The following RPS21 variants were observed in gnomAD, a reference collection of about 807,000 sequenced individuals.
RPS21 encodes ribosomal protein S21, also known as small ribosomal subunit protein eS21.
RPS21 carries 6 observed loss-of-function variants against 14.5 expected under a neutral mutation model. That is an observed-to-expected ratio of 0.41 (90% CI 0.23 to 0.82). RPS21 has a LOEUF of 0.82. RPS21 is among the 40% of genes least tolerant of loss of function. The pLI, the probability that RPS21 is intolerant of heterozygous loss-of-function variation, is 0.31. For synonymous variants in RPS21, 61 were observed against 42.6 expected (o/e 1.43, Z -1.69); for missense variants, 85 against 115.0 (o/e 0.74, Z 1.19).
rs111872483 is a variant in RPS21 at position 62,388,330 on chromosome 20, C to T, written c.208C>T (p.Leu70Phe). Residue 70 changes from leucine (L) to phenylalanine (F), a missense_variant, in exon 5 of 6, where the codon CTC becomes TTC. Leu to Phe is a conservative substitution (Grantham distance 22). Transcript: ENST00000343986. The stretch of plus-strand genomic sequence containing the variant: ...TAAGGGTGAGTCAGATGATTCCATT[C>T]TCCGATTGGCCAAGGCCGATGGCAT... Reference protein sequence around the residue: ...RRMGESDDSILRLAKADGIVS... With the variant: ...RRMGESDDSIFRLAKADGIVS... 4.6e-4 allele frequency: 738 copies of T among 1,589,828 alleles called. No homozygotes were observed. The highest frequency in any genetic ancestry group is 9.2e-4 in the South Asian group (79 of 85,988).
intron 1 of RPS21, 22 bp downstream of exon 1, chr20:62,387,158 T>A (rs1218241653): frequency 7.9e-6 from 4 of 507,606 alleles, no homozygotes; most frequent in African/African-American, 2.1e-5. Context: ...GGCGCGGGCT[T>A]CGGGCTCAGG....
intron 4 of RPS21, 174 bp from the exon 5 acceptor site, chr20:62,388,135 C>T: frequency 6.7e-7 from 1 of 1,487,132 alleles, no homozygotes; most frequent in Admixed American, 2.2e-5. Context: ...CCCCCCCGAC[C>T]CCGCTCCACC....
chr20:62,388,235 G>A (rs1365982084), intron 4 of RPS21, 74 bp from the exon 5 acceptor site: 3 of 1,514,724 alleles, frequency 2.0e-6, no homozygotes, highest in East Asian at 2.4e-5. Context: ...TGGGCTGGTG[G>A]CACAGCTGAC....
In RPS21 at chr20:62,388,492, A is replaced by G. The variant is rs770198489; in HGVS notation, c.*26A>G. 1.2e-6 allele frequency: 2 copies of G among 1,611,102 alleles called. No individual in the cohort carries two copies. The highest frequency in any genetic ancestry group is 1.7e-5 in the Admixed American group (1 of 59,988). ...CTGGAGAGAATCACAGATGTGGAATATTTGTCATAAATAAATAATGAAAAC... is the reference window on the plus strand; with the variant it reads ...CTGGAGAGAATCACAGATGTGGAATGTTTGTCATAAATAAATAATGAAAAC... On this transcript the variant is annotated 3_prime_UTR_variant, in exon 6 of 6. Transcript: ENST00000343986.
rs1042905542 is a variant in RPS21 at position 62,388,096 on chromosome 20, C to T, written c.186+182C>T. 23 of 1,531,528 alleles carry T rather than the reference C, an allele frequency of 1.5e-5. No homozygotes were observed. In the African/African-American group the frequency reaches 2.5e-4, roughly 17 times the overall value. 94.9% of individuals were successfully genotyped at this position (1,531,528 alleles called of 1,614,324 possible). A position where few individuals can be genotyped will look rare whatever the true frequency, so the allele number is the denominator to read the frequency against. ...GGGGTGCTCTGAGAAGACACTCAGG[C>T]AGCAGACTCTGCCTCTCACTAGGAG... On this transcript the variant is annotated intron_variant, in intron 4 of 5. Transcript: ENST00000343986.
intron 2 of RPS21, 108 bp from the exon 3 acceptor site, chr20:62,387,503 C>G: frequency 6.3e-7 from 1 of 1,587,068 alleles, no homozygotes; most frequent in Non-Finnish European, 8.6e-7. Context: ...CTAACTTGTC[C>G]TGCCCCCGAC....
chr20:62,387,415 C>T (rs375378671), intron 2 of RPS21, 27 bp downstream of exon 2: 4 of 1,607,492 alleles, frequency 2.5e-6, no homozygotes, highest in South Asian at 1.1e-5. Flanking sequence ...TGCCTCTCTT[C>T]CGTCCTTACC....
At chr20:62,387,422 T>C in intron 2 of RPS21, 34 bp downstream of exon 2, 3 of 1,607,470 alleles carry the variant, frequency 1.9e-6, no homozygotes, top group Non-Finnish European at 2.6e-6. Context: ...CTTCCGTCCT[T>C]ACCTAACCAC....
intron 4 of RPS21, 178 bp from the exon 5 acceptor site, chr20:62,388,131 C>CG (rs1555889899): frequency 3.3e-6 from 5 of 1,494,170 alleles, no homozygotes; most frequent in Non-Finnish European, 4.5e-6. Flanking sequence ...GGTGCCCCCC[C>CG]GACCCCGCTC....
intron 2 of RPS21, 45 bp downstream of exon 2, chr20:62,387,433 C>G: frequency 6.2e-7 from 1 of 1,604,588 alleles, no homozygotes; most frequent in Non-Finnish European, 8.5e-7. Flanking sequence ...ACCTAACCAC[C>G]ACGTCCCCTC....
chr20:62,387,222 G>A (rs1362177723), intron 1 of RPS21, 86 bp downstream of exon 1: 11 of 821,828 alleles, frequency 1.3e-5, no homozygotes, highest in Non-Finnish European at 1.9e-5. Flanking sequence ...GGTGCGGGGT[G>A]CTGGGTGCGG....
chr20:62,387,788 G>A (rs1381466457), intron 3 of RPS21, 55 bp from the exon 4 acceptor site: 3 of 1,613,720 alleles, frequency 1.9e-6, no homozygotes, highest in African/African-American at 1.3e-5. Context: ...TGGCTTTGAG[G>A]ATTGGTGTTT....
At position 62,387,379 on chromosome 20, in the gene RPS21, C is replaced by T. The variant is rs1240125217; in HGVS notation, c.41C>T (p.Pro14Leu). ...GGCGAGTTCGTGGACCTGTACGTGC[C>T]GCGGAAATGGTAAGCGCCCCCCACA... ...DAGEFVDLYV[P>L]RKCSASNRII... Residue 14 changes from proline to leucine, a missense_variant, in exon 2 of 6, where the codon CCG becomes CTG. Pro to Leu is a moderately conservative substitution (Grantham distance 98, BLOSUM62 -3). Coordinates refer to ENST00000343986, the MANE Select transcript of RPS21 (RefSeq NM_001024.4). 5.0e-6 allele frequency: 8 copies of T among 1,608,494 alleles called. No individual in the cohort carries two copies. The highest frequency in any genetic ancestry group is 6.8e-6 in the Non-Finnish European group (8 of 1,177,720).
intron 4 of RPS21, 149 bp downstream of exon 4, chr20:62,388,063 G>A: frequency 1.9e-6 from 3 of 1,562,620 alleles, no homozygotes; most frequent in Non-Finnish European, 2.6e-6. Flanking sequence ...CTTCTTGAGG[G>A]TGGAAGAGGG....
rs1336171238 is a variant in RPS21, at chr20:62,388,450, GTTCTAGGAACTTTTGAC to G, written c.243-5_*2del. Reference sequence around the variant, plus strand: ...GTCTTAACGTTGTCCTTTTCCCCTGGTTCTAGGAACTTTTGACTGGAGAGAATCACAGATGTGGAATA... The same window carrying G: ...GTCTTAACGTTGTCCTTTTCCCCTGGTGGAGAGAATCACAGATGTGGAATA... On this transcript the variant is annotated splice_acceptor_variant and splice_polypyrimidine_tract_variant and coding_sequence_variant and 3_prime_UTR_variant and intron_variant, in exon 6 of 6. Coordinates refer to ENST00000343986, the MANE Select transcript of RPS21 (RefSeq NM_001024.4). LOFTEE classifies it high-confidence loss of function. 6.2e-7 allele frequency: 1 copy of G among 1,613,810 alleles called. No individual in the cohort carries two copies. The highest frequency in any genetic ancestry group is 8.5e-7 in the Non-Finnish European group (1 of 1,179,862).
In RPS21 at chr20:62,387,142, G is replaced by T; in HGVS notation, c.-19+6G>T. ...GCGCGGTGTGGTGGCAGCAGGTGTG[G>T]CGCGCGGCGCGGGCTTCGGGCTCAG... On this transcript the variant is annotated splice_donor_region_variant and intron_variant, in intron 1 of 5. Transcript: ENST00000343986. 2.0e-6 allele frequency: 1 copy of T among 496,816 alleles called. No homozygotes were observed. Among genetic ancestry groups the T allele is most frequent in the Non-Finnish European group, 3.5e-6 (1 of 284,118 alleles). 30.8% of individuals were successfully genotyped at this position (496,816 alleles called of 1,614,324 possible). A position where few individuals can be genotyped will look rare whatever the true frequency, so the allele number is the denominator to read the frequency against.
At chr20:62,388,216 G>C in intron 4 of RPS21, 93 bp from the exon 5 acceptor site, 2 of 1,479,530 alleles carry the variant, frequency 1.4e-6, no homozygotes, top group South Asian at 2.5e-5. Context: ...GCTCAGCGGG[G>C]GAGAGACGTG....
At chr20:62,387,711 A>G (rs1465466882) in intron 3 of RPS21, 37 bp downstream of exon 3, 10 of 1,614,042 alleles carry the variant, frequency 6.2e-6, no homozygotes, top group South Asian at 1.1e-5. Context: ...AGGTTGTGAT[A>G]TATGTGCGGG....
rs751395569 is a variant in RPS21, at chr20:62,388,353, C to T, written c.231C>T (p.Gly77=). 1.9e-6 allele frequency: 3 copies of T among 1,603,412 alleles called. No homozygotes were observed. In the East Asian group the frequency reaches 6.7e-5, roughly 36 times the overall value. The change falls in exon 5 of 6, where the codon GGC becomes GGT. Residue 77 remains glycine, a synonymous_variant. Coordinates refer to ENST00000343986, the MANE Select transcript of RPS21 (RefSeq NM_001024.4). ...TTCTCCGATTGGCCAAGGCCGATGG[C>T]ATCGTCTCAAAGTAAGGTTGGGGGC... The part of the protein sequence containing the change: ...DSILRLAKAD[G]IVSKNF
Sources: allele counts gnomAD v4.1 joint callset, GRCh38; gene constraint gnomAD v4.1.1; transcripts MANE v1.5; gene names NCBI Gene and HGNC (gene_info 2026-07-23, HGNC 2026-07-21).